Variants in MTCL2 observed in about 807,000 individuals in gnomAD.
MTCL2 encodes the protein microtubule cross-linking factor 2.
chr20:36,855,063 T>C, the MTCL2 span, among the ~76,000 whole-genome samples: 1 of 151,910 alleles, frequency 6.6e-6, no homozygotes, highest in African/African-American at 2.4e-5. Flanking sequence ...GCCCCTGTCA[T>C]CAAGCACCCA....
At chr20:36,785,086 T>G in the MTCL2 span, 2 of 985,386 alleles carry the variant, frequency 2.0e-6, no homozygotes, top group African/African-American at 1.7e-5. Context: ...CAGTGAGTAT[T>G]TATAGACTGA....
the MTCL2 span, among the ~76,000 whole-genome samples, chr20:36,814,025 T>G: frequency 6.6e-6 from 1 of 152,174 alleles, no homozygotes; most frequent in Admixed American, 6.6e-5. Context: ...CTCTGACCTC[T>G]GGTCAGATCA....
At chr20:36,786,059 G>A in the MTCL2 span, 2 of 986,612 alleles carry the variant, frequency 2.0e-6, no homozygotes, top group Admixed American at 6.1e-5. Context: ...CCTCCCAAAT[G>A]AAGGGGTGGA....
the MTCL2 span, among the ~76,000 whole-genome samples, chr20:36,805,627 C>T: frequency 6.6e-6 from 1 of 152,172 alleles, no homozygotes; most frequent in Non-Finnish European, 1.5e-5. Flanking sequence ...ATCCATGACC[C>T]CTTCACCGTG....
the MTCL2 span, chr20:36,815,255 C>T: frequency 2.5e-6 from 4 of 1,613,886 alleles, no homozygotes; most frequent in African/African-American, 1.3e-5. The surrounding 1 kb of genome is among the most constrained non-coding windows in gnomAD (Gnocchi z 5.3). Context: ...CATCTGCCTT[C>T]CGCGTGAAGG....
the MTCL2 span, chr20:36,863,162 G>A: frequency 2.9e-6 from 4 of 1,358,650 alleles, no homozygotes; most frequent in Non-Finnish European, 3.8e-6. The surrounding 1 kb of genome is among the most constrained non-coding windows in gnomAD (Gnocchi z 6.2). Flanking sequence ...CGGCGCTGCA[G>A]GCGACTGCTG....
the MTCL2 span, chr20:36,863,155 C>A: frequency 5.9e-6 from 8 of 1,365,478 alleles, no homozygotes; most frequent in Admixed American, 2.0e-4. This position sits in a 1 kb window ranked among gnomAD's most constrained non-coding sequence, Gnocchi z 6.2. Flanking sequence ...GAGAACGCGG[C>A]GCTGCAGGCG....
At chr20:36,785,163 G>A in the MTCL2 span, 86 of 985,410 alleles carry the variant, frequency 8.7e-5, no homozygotes, top group Non-Finnish European at 1.0e-4. Flanking sequence ...ATGGCCAGCC[G>A]TGTTGGGGTG....
At chr20:36,788,169 C>T in the MTCL2 span, among the ~76,000 whole-genome samples, 1 of 148,648 alleles carries the variant, frequency 6.7e-6, no homozygotes, top group African/African-American at 2.5e-5. Context: ...TCACTGCACT[C>T]CAGCCTGGGG....
chr20:36,823,098 C>T, the MTCL2 span, among the ~76,000 whole-genome samples: 1 of 152,130 alleles, frequency 6.6e-6, no homozygotes, highest in Non-Finnish European at 1.5e-5. Flanking sequence ...TGGGGGTGTA[C>T]CTCAAAGATT....
chr20:36,808,559 C>CA, the MTCL2 span: 1 of 1,609,814 alleles, frequency 6.2e-7, no homozygotes. Context: ...GCCCTGCCGC[C>CA]AGCGCTTGAG....
At chr20:36,799,173 C>T in the MTCL2 span, among the ~76,000 whole-genome samples, 2 of 151,308 alleles carry the variant, frequency 1.3e-5, no homozygotes, top group African/African-American at 2.4e-5. Context: ...CTGGGCAACA[C>T]GGCGAAACCC....
At chr20:36,804,888 G>A in the MTCL2 span, 2 of 1,612,492 alleles carry the variant, frequency 1.2e-6, no homozygotes, top group Non-Finnish European at 1.7e-6. Flanking sequence ...CCAGTGTCTT[G>A]ATGTACTCAT....
At chr20:36,780,327 T>C in the MTCL2 span, 1 of 151,668 alleles carries the variant, frequency 6.6e-6, no homozygotes, top group Non-Finnish European at 1.5e-5. Context: ...GGAGTTACTG[T>C]TTAGTGGGTA....
the MTCL2 span, among the ~76,000 whole-genome samples, chr20:36,841,131 G>GA: frequency 9.7e-6 from 1 of 102,586 alleles, no homozygotes; most frequent in Admixed American, 1.5e-4. Flanking sequence ...CCAACATGGT[G>GA]AAACCCTGTC....
the MTCL2 span, among the ~76,000 whole-genome samples, chr20:36,805,509 A>G: frequency 6.6e-6 from 1 of 152,178 alleles, no homozygotes; most frequent in African/African-American, 2.4e-5. Flanking sequence ...GCCATACTCA[A>G]TACCAGAACA....
At chr20:36,859,867 A>G in the MTCL2 span, 1 of 1,231,542 alleles carries the variant, frequency 8.1e-7, no homozygotes, top group South Asian at 4.1e-5. Context: ...AAGGCAGAAA[A>G]CACATCAAGA....
At chr20:36,799,040 A>T in the MTCL2 span, among the ~76,000 whole-genome samples, 1 of 152,154 alleles carries the variant, frequency 6.6e-6, no homozygotes, top group East Asian at 1.9e-4. Flanking sequence ...ACATGAGACA[A>T]ACAGTAATAA....
chr20:36,843,274 G>A, the MTCL2 span, among the ~76,000 whole-genome samples: 4 of 152,216 alleles, frequency 2.6e-5, no homozygotes, highest in East Asian at 1.9e-4. Flanking sequence ...AAGGGGGTAC[G>A]ACTGGGGTTG....
Sources: allele counts gnomAD v4.1 joint callset (sites outside exome capture counted in the v4.1 genomes callset), GRCh38; gene constraint gnomAD v4.1.1; non-coding constraint Gnocchi (gnomAD v3.1); transcripts MANE v1.5; gene names NCBI Gene and HGNC (gene_info 2026-07-23, HGNC 2026-07-21).